The following TARBP1 variants were observed in gnomAD, a reference collection of about 807,000 sequenced individuals.
TARBP1 encodes the protein tRNA guanosine 2 -O-methyltransferase TARBP1, also known as tRNA (guanosine(18)-2'-O)-methyltransferase TARBP1.
A neutral mutation model predicts 178.6 loss-of-function variants in TARBP1; 144 were observed. The ratio of observed to expected loss-of-function variants is 0.81; its 90% CI spans 0.70 to 0.93. The LOEUF (loss-of-function observed/expected upper bound fraction) is 0.93. Ranked by LOEUF, TARBP1 falls within the 40% of genes least tolerant of loss-of-function variation. TARBP1 has a pLI of 0.00. For missense variants in TARBP1, 2,067 were observed against 2,011.7 expected (o/e 1.03, Z -0.53); for synonymous variants, 787 against 781.0 (o/e 1.01, Z -0.13).
In TARBP1 at chr1:234,479,153, C is replaced by T. The variant is rs1007846557; in HGVS notation, c.-50G>A. ...CCGGGCTCCCAAAGGAAGGCGCCGG[C>T]GTGTGCGATGCGTGCGCACAGGACC... is the stretch of plus-strand genomic sequence containing the variant. On this transcript the variant is annotated 5_prime_UTR_variant, in exon 1 of 30. Transcript: ENST00000040877. 11 of 1,455,370 alleles carry T rather than the reference C, an allele frequency of 7.6e-6. No individual in the cohort carries two copies. The highest frequency in any genetic ancestry group is 9.9e-6 in the Non-Finnish European group (11 of 1,115,550). The allele number at this position is 1,455,370 out of a possible 1,614,324, so 90.2% of individuals were successfully genotyped here. A position where few individuals can be genotyped will look rare whatever the true frequency, so the allele number is the denominator to read the frequency against.
At chr1:234,397,066 G>A (rs914541240) in intron 26 of TARBP1, among the ~76,000 whole-genome samples, 1 of 149,852 alleles carries the variant, frequency 6.7e-6, no homozygotes, top group South Asian at 2.1e-4. Flanking sequence ...GGTGGTAATC[G>A]GCTGGGGAGA....
chr1:234,429,730 T>C, intron 15 of TARBP1, 53 bp from the exon 16 acceptor site: 2 of 1,413,258 alleles, frequency 1.4e-6, no homozygotes, highest in Non-Finnish European at 1.9e-6. Flanking sequence ...TGCCTCCACG[T>C]CTTTTGCACG....
intron 23 of TARBP1, chr1:234,406,479 T>C (rs17517734): frequency 0.13 from 25,290 of 198,456 alleles, 1,873 homozygotes; most frequent in Non-Finnish European, 0.17. Context: ...AAGTCAGAAA[T>C]AGTCTTCAAG....
intron 25 of TARBP1, chr1:234,400,133 A>G (rs1660537422): frequency 6.6e-6 from 1 of 152,210 alleles, no homozygotes; most frequent in Non-Finnish European, 1.5e-5. Flanking sequence ...ATACACCTTT[A>G]ATTCATTTCA....
At chr1:234,447,837 TA>T (rs1666344735) in intron 11 of TARBP1, among the ~76,000 whole-genome samples, 1 of 152,244 alleles carries the variant, frequency 6.6e-6, no homozygotes. Context: ...TCAAATCCAG[TA>T]AATCTCTTTA....
At position 234,429,453 on chromosome 1, in the gene TARBP1, A is replaced by G; in HGVS notation, c.2834T>C (p.Leu945Ser). The change falls in exon 16 of 30, where the codon TTA becomes TCA. Residue 945 changes from leucine to serine, a missense_variant. Transcript: ENST00000040877. ...ALTVLSSDQVLPVFHCLKVLV... is the reference protein window; with the variant it reads ...ALTVLSSDQVSPVFHCLKVLV... ...CACTTTCAAGCAATGGAACACTGGT[A>G]AAACTTGATCAGAAGAAAGAACTGT... The G allele has an allele frequency of 6.2e-7, 1 of 1,613,950 alleles. No individual in the cohort carries two copies. Among genetic ancestry groups the G allele is most frequent in the Non-Finnish European group, 8.5e-7 (1 of 1,179,948 alleles).
At chr1:234,392,877 ATT>A (rs917583779) in intron 28 of TARBP1, among the ~76,000 whole-genome samples, 1 of 151,254 alleles carries the variant, frequency 6.6e-6, no homozygotes, top group Non-Finnish European at 1.5e-5. Flanking sequence ...CGCCCGGCTA[ATT>A]TTTTTTTATT....
At chr1:234,394,484 A>G (rs1659714208) in intron 26 of TARBP1, among the ~76,000 whole-genome samples, 1 of 152,228 alleles carries the variant, frequency 6.6e-6, no homozygotes, top group Non-Finnish European at 1.5e-5. Context: ...TGAGCAATCA[A>G]GTGGCACTTA....
intron 21 of TARBP1, among the ~76,000 whole-genome samples, chr1:234,418,889 T>G (rs1295784939): frequency 6.6e-6 from 1 of 152,216 alleles, no homozygotes; most frequent in African/African-American, 2.4e-5. Context: ...GTAATATGTA[T>G]TGGCCGGGCA....
At chr1:234,431,759 G>A (rs1250896509) in intron 14 of TARBP1, among the ~76,000 whole-genome samples, 2 of 152,184 alleles carry the variant, frequency 1.3e-5, no homozygotes, top group East Asian at 3.8e-4. Flanking sequence ...AGGTCACACA[G>A]CAAAAATAAA....
intron 9 of TARBP1, among the ~76,000 whole-genome samples, chr1:234,453,308 C>T (rs556366687): frequency 1.3e-5 from 2 of 148,894 alleles, no homozygotes; most frequent in Non-Finnish European, 3.0e-5. Flanking sequence ...TATGTGGAAA[C>T]TCTCTGTACT....
At chr1:234,416,321 G>A (rs1453801259) in intron 22 of TARBP1, among the ~76,000 whole-genome samples, 6 of 152,096 alleles carry the variant, frequency 3.9e-5, no homozygotes, top group African/African-American at 1.4e-4. Context: ...TTTTTGAGAC[G>A]GAGTCTCACT....
intron 7 of TARBP1, among the ~76,000 whole-genome samples, chr1:234,459,911 TA>T (rs1667674941): frequency 6.6e-6 from 1 of 152,150 alleles, no homozygotes; most frequent in African/African-American, 2.4e-5. Context: ...TTTTACCAAA[TA>T]TTTTTTAAAT....
Position 234,463,820 on chromosome 1 carries a change from C to A in TARBP1, c.1399+17G>T. ...TAAGCTAAAGCATTTTTAAAAAAACCCTTTACTGACACATACTCTTTATTT... is the reference window on the plus strand; with the variant it reads ...TAAGCTAAAGCATTTTTAAAAAAACACTTTACTGACACATACTCTTTATTT... On this transcript the variant is annotated intron_variant, in intron 6 of 29. Coordinates refer to ENST00000040877, the MANE Select transcript of TARBP1 (RefSeq NM_005646.4). The A allele has an allele frequency of 4.2e-6, 6 of 1,436,798 alleles. No individual in the cohort carries two copies. Among genetic ancestry groups the A allele is most frequent in the South Asian group, 3.0e-5 (2 of 66,894 alleles). 89.0% of individuals were successfully genotyped at this position (1,436,798 alleles called of 1,614,324 possible). A position where few individuals can be genotyped will look rare whatever the true frequency, so the allele number is the denominator to read the frequency against.
At chr1:234,405,041 T>C (rs1368193531) in intron 24 of TARBP1, among the ~76,000 whole-genome samples, 2 of 152,184 alleles carry the variant, frequency 1.3e-5, no homozygotes, top group Non-Finnish European at 2.9e-5. Context: ...AATAACTTAA[T>C]GGTCACGACC....
intron 12 of TARBP1, among the ~76,000 whole-genome samples, chr1:234,443,351 T>C (rs1422599029): frequency 6.6e-6 from 1 of 151,760 alleles, no homozygotes; most frequent in African/African-American, 2.4e-5. Flanking sequence ...TAATGTATAG[T>C]AGTAAACTGA....
intron 22 of TARBP1, among the ~76,000 whole-genome samples, chr1:234,413,439 A>C (rs1297151803): frequency 2.0e-5 from 3 of 152,136 alleles, no homozygotes; most frequent in Non-Finnish European, 4.4e-5. Flanking sequence ...GTGCCATTGC[A>C]CTCTAGCTTG....
rs935802884 is a variant in TARBP1, at chr1:234,447,103, C to G, written c.1962-128G>C. On this transcript the variant is annotated intron_variant, in intron 11 of 29. Transcript: ENST00000040877. Reference sequence around the variant, plus strand: ...AGACAAAGTTACTCTCATGAAAGACCCAGACAACCAGCAGCTATGAGGACT... The same window carrying G: ...AGACAAAGTTACTCTCATGAAAGACGCAGACAACCAGCAGCTATGAGGACT... 1.0e-5 allele frequency: 10 copies of G among 962,834 alleles called. No individual in the cohort carries two copies. In the Middle Eastern group the frequency reaches 8.9e-4, roughly 86 times the overall value. The allele number at this position is 962,834 out of a possible 1,614,324, so 59.6% of individuals were successfully genotyped here. A position where few individuals can be genotyped will look rare whatever the true frequency, so the allele number is the denominator to read the frequency against.
intron 19 of TARBP1, 123 bp from the exon 20 acceptor site, chr1:234,425,916 T>C: frequency 1.4e-6 from 1 of 700,800 alleles, no homozygotes; most frequent in East Asian, 2.8e-5. Flanking sequence ...ATTAAGTAGG[T>C]CCATACTTAA....
Sources: gnomAD v4.1 joint callset for allele counts (sites outside exome capture counted in the v4.1 genomes callset) on GRCh38, gnomAD v4.1.1 for gene constraint, MANE v1.5 for transcripts, NCBI Gene and HGNC (gene_info 2026-07-23, HGNC 2026-07-21) for gene names.